The following CADPS2 variants were observed in gnomAD, a reference collection of about 807,000 sequenced individuals.
CADPS2 encodes calcium dependent secretion activator 2.
Under a neutral mutation model 172.5 loss-of-function variants are expected in CADPS2, and 93 were observed. The observed-to-expected ratio is 0.54, with a 90% CI of 0.46 to 0.64. The LOEUF (loss-of-function observed/expected upper bound fraction) is 0.64, where lower values mean the gene tolerates loss of function less well. Ranked by LOEUF, CADPS2 falls within the 30% of genes least tolerant of loss-of-function variation. CADPS2 has a pLI of 0.00. For synonymous variants in CADPS2, 546 were observed against 555.2 expected (o/e 0.98, Z 0.23); for missense variants, 1,420 against 1,565.9 (o/e 0.91, Z 1.57).
chr7:122,578,080 G>GTA (rs1344125227), intron 7 of CADPS2, among the ~76,000 whole-genome samples: 3 of 149,532 alleles, frequency 2.0e-5, no homozygotes, highest in Non-Finnish European at 3.0e-5. Flanking sequence ...ATATATATGT[G>GTA]TATATATATA....
At chr7:122,382,998 A>G (rs2151390047) in intron 24 of CADPS2, among the ~76,000 whole-genome samples, 1 of 152,172 alleles carries the variant, frequency 6.6e-6, no homozygotes, top group Non-Finnish European at 1.5e-5. Flanking sequence ...CAAACAAACG[A>G]AAACAAAAAC....
intron 3 of CADPS2, among the ~76,000 whole-genome samples, chr7:122,646,275 T>C (rs2078543603): frequency 1.3e-5 from 2 of 152,110 alleles, no homozygotes; most frequent in Non-Finnish European, 2.9e-5. Flanking sequence ...TTACTGTACA[T>C]ATGGTACAAC....
chr7:122,397,783 T>C (rs1274156808), intron 20 of CADPS2, among the ~76,000 whole-genome samples: 1 of 152,088 alleles, frequency 6.6e-6, no homozygotes, highest in Non-Finnish European at 1.5e-5. Context: ...AAGCACCCAT[T>C]ACAACAGTTC....
intron 3 of CADPS2, among the ~76,000 whole-genome samples, chr7:122,646,369 A>G (rs2471196): frequency 0.54 from 81,308 of 151,882 alleles, 21,995 homozygotes; most frequent in East Asian, 0.72. Context: ...GCAAAGTACA[A>G]TATGACAGGC....
At chr7:122,623,286 CAA>C (rs748995822) in intron 4 of CADPS2, among the ~76,000 whole-genome samples, 8 of 151,730 alleles carry the variant, frequency 5.3e-5, no homozygotes, top group Non-Finnish European at 1.0e-4. Flanking sequence ...TCAGTACAAG[CAA>C]AGAGAGGGGA....
intron 1 of CADPS2, among the ~76,000 whole-genome samples, chr7:122,805,084 G>GA (rs1224424720): frequency 6.6e-6 from 1 of 152,118 alleles, no homozygotes; most frequent in Non-Finnish European, 1.5e-5. Flanking sequence ...AGAGCCACAT[G>GA]AATCACCTTT....
intron 1 of CADPS2, among the ~76,000 whole-genome samples, chr7:122,758,639 G>A (rs547788622): frequency 3.3e-5 from 5 of 152,038 alleles, no homozygotes; most frequent in African/African-American, 1.2e-4. Context: ...CAAAGACATA[G>A]AGCAAAAGCT....
intron 6 of CADPS2, among the ~76,000 whole-genome samples, chr7:122,595,634 T>C (rs1467331027): frequency 6.6e-6 from 1 of 152,116 alleles, no homozygotes; most frequent in African/African-American, 2.4e-5. Flanking sequence ...ACCATCTATA[T>C]GGGTTTATTG....
chr7:122,612,590 T>C (rs2074429476), intron 6 of CADPS2, among the ~76,000 whole-genome samples: 1 of 152,002 alleles, frequency 6.6e-6, no homozygotes, highest in African/African-American at 2.4e-5. Context: ...GAAGACTTAA[T>C]ATTGTTAAGA....
chr7:122,880,111 C>T (rs892641396), intron 1 of CADPS2, among the ~76,000 whole-genome samples: 5 of 152,168 alleles, frequency 3.3e-5, no homozygotes, highest in African/African-American at 7.2e-5. Flanking sequence ...TGCCCACTAA[C>T]GGTTTTGTAG....
chr7:122,736,264 T>C (rs929569), intron 2 of CADPS2, among the ~76,000 whole-genome samples: 78,837 of 152,018 alleles, frequency 0.52, 22,427 homozygotes, highest in East Asian at 0.72. Context: ...ATTAGTCTAA[T>C]ATATATTCGC....
At chr7:122,702,403 G>C (rs780328932) in intron 2 of CADPS2, 2 of 1,613,612 alleles carry the variant, frequency 1.2e-6, no homozygotes, top group Non-Finnish European at 1.7e-6. Context: ...CTGCCACGTT[G>C]ATTTTATGTG....
intron 6 of CADPS2, among the ~76,000 whole-genome samples, chr7:122,604,686 T>C (rs762675401): frequency 2.6e-5 from 4 of 152,134 alleles, no homozygotes; most frequent in Admixed American, 6.6e-5. Flanking sequence ...CTGAAAAATT[T>C]ACCTTCTTCA....
At chr7:122,420,532 T>TTC (rs1157742606) in intron 17 of CADPS2, among the ~76,000 whole-genome samples, 1 of 152,246 alleles carries the variant, frequency 6.6e-6, no homozygotes, top group Admixed American at 6.5e-5. Context: ...GTTTAATGCA[T>TTC]TCTACAGTCA....
intron 25 of CADPS2, among the ~76,000 whole-genome samples, chr7:122,366,462 G>A (rs955767330): frequency 1.1e-4 from 17 of 149,466 alleles, no homozygotes; most frequent in East Asian, 3.9e-4. Flanking sequence ...AAAATTACCC[G>A]GCCATGGTGG....
Position 122,393,536 on chromosome 7 carries a change from A to G in CADPS2, c.2793T>C (p.Phe931=). Residue 931 remains phenylalanine (F), a synonymous_variant, in exon 21 of 30, where the codon TTT becomes TTC. Transcript: ENST00000449022. The part of the protein sequence containing the change: ...GKFHKHLQEI[F]VPLVVRYVDL... ...CCACATAGCGGACAACCAAGGGTAC[A>G]AAGATTTCTTGCAAGTGTTTGTGAA... The G allele has an allele frequency of 1.2e-6, 2 of 1,613,916 alleles. No homozygotes were observed. Among genetic ancestry groups the G allele is most frequent in the Non-Finnish European group, 1.7e-6 (2 of 1,179,838 alleles).
intron 3 of CADPS2, among the ~76,000 whole-genome samples, chr7:122,642,315 T>G (rs1162604103): frequency 6.7e-6 from 1 of 149,972 alleles, no homozygotes; most frequent in East Asian, 2.0e-4. Context: ...AATGACCTAA[T>G]GTAACAGTCT....
At chr7:122,341,011 G>GT (rs1285686781) in intron 28 of CADPS2, among the ~76,000 whole-genome samples, 1 of 152,112 alleles carries the variant, frequency 6.6e-6, no homozygotes, top group Non-Finnish European at 1.5e-5. Flanking sequence ...AAAAGTAAAT[G>GT]TAATATCTAG....
chr7:122,769,357 G>A (rs1435201701), intron 1 of CADPS2, among the ~76,000 whole-genome samples: 1 of 152,136 alleles, frequency 6.6e-6, no homozygotes, highest in African/African-American at 2.4e-5. Context: ...AGCCATACAT[G>A]GACCCACAAC....
Sources: allele counts gnomAD v4.1 joint callset (sites outside exome capture counted in the v4.1 genomes callset), GRCh38; gene constraint gnomAD v4.1.1; transcripts MANE v1.5; gene names NCBI Gene and HGNC (gene_info 2026-07-23, HGNC 2026-07-21).